The following FMNL3 variants were observed in gnomAD, a reference collection of about 807,000 sequenced individuals.
The protein encoded by FMNL3 is formin-like protein 3.
In FMNL3, 57 loss-of-function variants were observed where a neutral mutation model predicts 119.6. The ratio of observed to expected loss-of-function variants is 0.48; its 90% CI spans 0.39 to 0.59. FMNL3 has a LOEUF of 0.59. FMNL3 is among the 20% of genes least tolerant of loss of function. The probability of loss-of-function intolerance (pLI) is 0.00; values close to 1 mark genes in which losing one functional copy is unlikely to be tolerated. For synonymous variants in FMNL3, 491 were observed against 507.3 expected, an observed-to-expected ratio of 0.97 and a Z score of 0.43; for missense variants, 1,053 against 1,323.5, an observed-to-expected ratio of 0.80 and a Z score of 3.17.
Position 49,649,757 on chromosome 12 carries a change from C to T in FMNL3, c.2169G>A (p.Leu723=). 1 of 1,614,176 alleles carries T rather than the reference C, an allele frequency of 6.2e-7. No homozygotes were observed. Among genetic ancestry groups the T allele is most frequent in the Non-Finnish European group, 8.5e-7 (1 of 1,180,040 alleles). The change falls in exon 18 of 26, where the codon TTG becomes TTA. Residue 723 remains leucine, a synonymous_variant. Transcript: ENST00000335154. This position sits in a 1 kb window ranked among gnomAD's most constrained non-coding sequence, Gnocchi z 5.6. ...AGGCCATGCCAGCCATTCGCTGGGTCAACCGTTCCACCTTGCTGAAGAGCA... is the reference window on the plus strand; with the variant it reads ...AGGCCATGCCAGCCATTCGCTGGGTTAACCGTTCCACCTTGCTGAAGAGCA... The part of the protein sequence containing the change: ...FMLLFSKVER[L]TQRMAGMAFL...
chr12:49,678,745 G>C (rs1331165607), intron 1 of FMNL3, among the ~76,000 whole-genome samples: 1 of 152,176 alleles, frequency 6.6e-6, no homozygotes, highest in Non-Finnish European at 1.5e-5. Context: ...CTACAGGCAT[G>C]AGCCACAGTG....
intron 1 of FMNL3, among the ~76,000 whole-genome samples, chr12:49,683,865 T>C (rs1235521306): frequency 2.6e-5 from 4 of 152,182 alleles, no homozygotes; most frequent in African/African-American, 9.7e-5. Flanking sequence ...GAACACATCA[T>C]GCTGTCTCAA....
At chr12:49,668,607 G>A (rs910253919) in intron 1 of FMNL3, 53 bp from the exon 2 acceptor site, 1 of 1,532,146 alleles carries the variant, frequency 6.5e-7, no homozygotes, top group Non-Finnish European at 9.0e-7. Context: ...ATCTGGAAAA[G>A]AGAAAGACTA....
chr12:49,683,217 A>T (rs1033047939), intron 1 of FMNL3, among the ~76,000 whole-genome samples: 5 of 152,218 alleles, frequency 3.3e-5, no homozygotes, highest in Non-Finnish European at 5.9e-5. Context: ...GACAGTAGGC[A>T]TAGATGACTC....
intron 25 of FMNL3, 120 bp from the exon 26 acceptor site, chr12:49,646,023 G>A: frequency 1.3e-6 from 1 of 791,550 alleles, no homozygotes; most frequent in South Asian, 1.7e-5. Context: ...TAAACAGGAG[G>A]CTTAGATAAG....
chr12:49,661,660 C>T, intron 5 of FMNL3: 1 of 330,592 alleles, frequency 3.0e-6, no homozygotes, highest in East Asian at 6.3e-5. Context: ...GGACATTTCC[C>T]TGGATTGCTC....
Position 49,647,752 on chromosome 12 carries a change from G to A in FMNL3, c.2729C>T (p.Pro910Leu), listed in dbSNP as rs1249845193. 6.2e-7 allele frequency: 1 copy of A among 1,614,074 alleles called. No individual in the cohort carries two copies. The highest frequency in any genetic ancestry group is 8.5e-7 in the Non-Finnish European group (1 of 1,180,020). ...AAATACTGGGAAGAATACAGAAGGAGGTGTAGTCTTGGGACTCTCGCCAAA... is the reference window on the plus strand; with the variant it reads ...AAATACTGGGAAGAATACAGAAGGAAGTGTAGTCTTGGGACTCTCGCCAAA... ...RYFGESPKTTPPSVFFPVFVR... is the reference protein window; with the variant it reads ...RYFGESPKTTLPSVFFPVFVR... The change falls in exon 23 of 26, where the codon CCT becomes CTT. Residue 910 changes from proline (P) to leucine (L), a missense_variant. Pro to Leu is a moderately conservative substitution (Grantham distance 98). This residue lies in a region of FMNL3 where 324 missense variants were observed against 380.9 expected (regional missense o/e 0.85). Transcript: ENST00000335154. The surrounding 1 kb of genome is among the most constrained non-coding windows in gnomAD (Gnocchi z 4.9).
chr12:49,641,795 G>T lies in FMNL3; in HGVS notation c.*4020C>A. 1.2e-6 allele frequency: 1 copy of T among 820,838 alleles called. No individual in the cohort carries two copies. Among genetic ancestry groups the T allele is most frequent in the East Asian group, 2.5e-5 (1 of 40,426 alleles). 50.8% of individuals were successfully genotyped at this position (820,838 alleles called of 1,614,324 possible). On this transcript the variant is annotated 3_prime_UTR_variant, in exon 26 of 26. Coordinates refer to ENST00000335154, the MANE Select transcript of FMNL3 (RefSeq NM_175736.5). ...TTCTAATGCAGACCACAGTCCTGTG[G>T]ATCTCTTCCAGAGGCAAGGGCCTTC... is the stretch of plus-strand genomic sequence containing the variant.
At chr12:49,692,689 C>T (rs1192439804) in intron 1 of FMNL3, among the ~76,000 whole-genome samples, 1 of 152,086 alleles carries the variant, frequency 6.6e-6, no homozygotes, top group African/African-American at 2.4e-5. Flanking sequence ...GAGTGCCTAC[C>T]CTGTGCCAGG....
In FMNL3 at chr12:49,643,891, GA is replaced by G. The variant is rs759747378; in HGVS notation, c.*1923del. On this transcript the variant is annotated 3_prime_UTR_variant, in exon 26 of 26. Coordinates refer to ENST00000335154, the MANE Select transcript of FMNL3 (RefSeq NM_175736.5). ...TCCTGAGAGTGAGACAGACCCTGAG[GA>G]GAAAGCTGGCAAGGAGAGCGATGAG... The G allele has an allele frequency of 1.9e-6, 3 of 1,614,204 alleles. No homozygotes were observed. Among genetic ancestry groups the G allele is most frequent in the Non-Finnish European group, 2.5e-6 (3 of 1,180,030 alleles).
At chr12:49,668,143 GATCAAC>G (rs2138862752) in intron 2 of FMNL3, among the ~76,000 whole-genome samples, 1 of 152,294 alleles carries the variant, frequency 6.6e-6, no homozygotes, top group African/African-American at 2.4e-5. Context: ...CAGAGTGAGA[GATCAAC>G]AGTCCTTTGA....
chr12:49,684,487 C>A (rs1944410122), intron 1 of FMNL3, among the ~76,000 whole-genome samples: 2 of 152,316 alleles, frequency 1.3e-5, no homozygotes, highest in Admixed American at 6.5e-5. Flanking sequence ...TGGAAAGAAT[C>A]AACTGAGAAG....
intron 1 of FMNL3, among the ~76,000 whole-genome samples, chr12:49,692,095 G>A (rs1041178728): frequency 1.3e-5 from 2 of 148,150 alleles, no homozygotes; most frequent in Non-Finnish European, 3.0e-5. Context: ...GTTCATGCCT[G>A]TAATCTCAAC....
rs773031651 is a variant in FMNL3, at chr12:49,649,582, G to C, written c.2236-44C>G. 1.1e-5 allele frequency: 18 copies of C among 1,613,332 alleles called. No individual in the cohort carries two copies. The Admixed American group carries it at 3.0e-4, about 27-fold the overall frequency. On this transcript the variant is annotated intron_variant, in intron 18 of 25. Coordinates refer to ENST00000335154, the MANE Select transcript of FMNL3 (RefSeq NM_175736.5). The surrounding 1 kb of genome is among the most constrained non-coding windows in gnomAD (Gnocchi z 5.6). Reference sequence around the variant, plus strand: ...ACTGAAGTAACCCCAGGCTGAGATGGGGTAAAGACAGGGAGGGGTCAGAAG... The same window carrying C: ...ACTGAAGTAACCCCAGGCTGAGATGCGGTAAAGACAGGGAGGGGTCAGAAG...
In FMNL3 at chr12:49,647,071, G is replaced by GC; in HGVS notation, c.2872-63dup. ...CTAACCTAATGTGGGACTGGTTCCT[G>GC]CCCCAAGGTGCAGTCTGAGGATGCC... On this transcript the variant is annotated intron_variant, in intron 24 of 25. Transcript: ENST00000335154. The surrounding 1 kb of genome is among the most constrained non-coding windows in gnomAD (Gnocchi z 4.9). 1.2e-6 allele frequency: 2 copies of GC among 1,608,210 alleles called. No individual in the cohort carries two copies. The highest frequency in any genetic ancestry group is 1.7e-6 in the Non-Finnish European group (2 of 1,176,192).
At chr12:49,650,080 A>G (rs753051421) in intron 17 of FMNL3, among the ~76,000 whole-genome samples, 155 bp from the exon 18 acceptor site, 1 of 152,180 alleles carries the variant, frequency 6.6e-6, no homozygotes, top group Non-Finnish European at 1.5e-5. Context: ...TCACAGCACC[A>G]GCAATGATCC....
In FMNL3 at chr12:49,637,598, G is replaced by T. The variant is rs754869428; in HGVS notation, c.*8217C>A. On this transcript the variant is annotated 3_prime_UTR_variant, in exon 26 of 26. Transcript: ENST00000335154. ...TGGGCCAGCCGGGTAAGGCAGCCAGGCTCCCCCTTCTCTGGCCTGGCTTCC... is the reference window on the plus strand; with the variant it reads ...TGGGCCAGCCGGGTAAGGCAGCCAGTCTCCCCCTTCTCTGGCCTGGCTTCC... 6.2e-7 allele frequency: 1 copy of T among 1,610,396 alleles called. No homozygotes were observed. The highest frequency in any genetic ancestry group is 1.1e-5 in the South Asian group (1 of 91,002).
Position 49,642,274 on chromosome 12 carries a change from AAGG to A in FMNL3, c.*3538_*3540del, listed in dbSNP as rs1565850639. ...AGAGGCACGGGAGAGGGAGCGGGAG[AAGG>A]AGGAGGCACGCAGGATGCGGCGCAG... On this transcript the variant is annotated 3_prime_UTR_variant, in exon 26 of 26. Transcript: ENST00000335154. The surrounding 1 kb of genome is among the most constrained non-coding windows in gnomAD (Gnocchi z 5.8). 5.6e-6 allele frequency: 9 copies of A among 1,613,992 alleles called. No homozygotes were observed. Among genetic ancestry groups the A allele is most frequent in the Admixed American group, 1.7e-5 (1 of 60,018 alleles).
chr12:49,656,281 G>T, intron 9 of FMNL3, 123 bp downstream of exon 9: 3 of 683,144 alleles, frequency 4.4e-6, no homozygotes, highest in Non-Finnish European at 7.4e-6. Context: ...GAGAGAGGCT[G>T]CTTGGCCAAG....
Sources: gnomAD v4.1 joint callset for allele counts (sites outside exome capture counted in the v4.1 genomes callset) on GRCh38, gnomAD v4.1.1 for gene constraint, gnomAD v4.1.1 regional missense constraint, Gnocchi (gnomAD v3.1) non-coding constraint, MANE v1.5 for transcripts, NCBI Gene and HGNC (gene_info 2026-07-23, HGNC 2026-07-21) for gene names.